Variants in MTRF1 observed in about 807,000 individuals in gnomAD.
MTRF1 encodes peptide chain release factor 1, mitochondrial.
A neutral mutation model predicts 62.9 loss-of-function variants in MTRF1; 51 were observed. The ratio of observed to expected loss-of-function variants is 0.81; its 90% CI spans 0.65 to 1.02. The LOEUF is 1.02. MTRF1 is among the 50% of genes least tolerant of loss of function. The pLI, the probability that MTRF1 is intolerant of heterozygous loss-of-function variation, is 0.00. For synonymous variants in MTRF1, 158 were observed against 181.9 expected (o/e 0.87, Z 1.06); for missense variants, 446 against 530.0 (o/e 0.84, Z 1.56).
At chr13:41,242,782 T>C (rs528026780) in intron 5 of MTRF1, among the ~76,000 whole-genome samples, 2 of 152,182 alleles carry the variant, frequency 1.3e-5, no homozygotes, top group African/African-American at 4.8e-5. Context: ...GCAGCATGCT[T>C]ACTGCGCATT....
rs148160458 is a variant in MTRF1, at chr13:41,252,659, G to A, written c.683C>T (p.Thr228Ile). 4.1e-5 allele frequency: 66 copies of A among 1,611,154 alleles called. No homozygotes were observed. Among genetic ancestry groups the A allele is most frequent in the Non-Finnish European group, 7.6e-6 (9 of 1,177,760 alleles). ...AATATGCCTACCATAATCTGCTGGT[G>A]TATAATTCAGAAGTTCAAATTGCCA... ...KHWQFELLNYTPADYGGLHHA... is the reference protein window; with the variant it reads ...KHWQFELLNYIPADYGGLHHA... Residue 228 changes from threonine (T) to isoleucine (I), a missense_variant, in exon 5 of 10, where the codon ACA becomes ATA. Coordinates refer to ENST00000379480, the MANE Select transcript of MTRF1 (RefSeq NM_004294.4).
chr13:41,274,082 A>G, the MTRF1 span, among the ~76,000 whole-genome samples: 1 of 152,212 alleles, frequency 6.6e-6, no homozygotes, highest in Non-Finnish European at 1.5e-5. Context: ...TGCCCTAAGT[A>G]GTTCCCAGCT....
At chr13:41,297,614 T>C in the MTRF1 span, among the ~76,000 whole-genome samples, 3 of 152,032 alleles carry the variant, frequency 2.0e-5, no homozygotes, top group Non-Finnish European at 4.4e-5. Flanking sequence ...CTTGCTTTTT[T>C]ACCTAGGCTG....
At chr13:41,220,891 T>C (rs117780458) in intron 9 of MTRF1, among the ~76,000 whole-genome samples, 2 of 152,202 alleles carry the variant, frequency 1.3e-5, no homozygotes, top group Non-Finnish European at 2.9e-5. Flanking sequence ...CTAGGACTTA[T>C]TTGGGTGTCC....
chr13:41,293,050 A>G, the MTRF1 span, among the ~76,000 whole-genome samples: 1 of 152,208 alleles, frequency 6.6e-6, no homozygotes, highest in Non-Finnish European at 1.5e-5. Context: ...ACACATTCCA[A>G]TTTAGTCAGA....
At chr13:41,218,281 ATTTTTTT>A (rs199717534) in intron 9 of MTRF1, among the ~76,000 whole-genome samples, 21 of 117,828 alleles carry the variant, frequency 1.8e-4, no homozygotes, top group East Asian at 4.3e-4. Flanking sequence ...CACCCAGCTA[ATTTTTTT>A]TTTTTTTTTT....
At chr13:41,224,703 T>C (rs2034036460) in intron 8 of MTRF1, among the ~76,000 whole-genome samples, 1 of 152,172 alleles carries the variant, frequency 6.6e-6, no homozygotes, top group Non-Finnish European at 1.5e-5. Flanking sequence ...GAACCAGGAT[T>C]GGGAATGTGG....
At chr13:41,282,172 A>G in the MTRF1 span, among the ~76,000 whole-genome samples, 1 of 151,848 alleles carries the variant, frequency 6.6e-6, no homozygotes, top group South Asian at 2.1e-4. Context: ...TCTGACTAAC[A>G]GCTCTGGGAA....
At chr13:41,241,468 G>C (rs1474150559) in intron 5 of MTRF1, among the ~76,000 whole-genome samples, 1 of 152,120 alleles carries the variant, frequency 6.6e-6, no homozygotes, top group Non-Finnish European at 1.5e-5. Context: ...AAAAAGAACG[G>C]TGCTAGTCAC....
intron 5 of MTRF1, chr13:41,252,212 T>C (rs1425625834): frequency 6.6e-6 from 1 of 152,452 alleles, no homozygotes; most frequent in Non-Finnish European, 1.5e-5. Context: ...AAGAGAAGTT[T>C]CTTGAAAATA....
At position 41,217,056 on chromosome 13, in the gene MTRF1, C is replaced by G; in HGVS notation, c.*59G>C. 1.1e-6 allele frequency: 1 copy of G among 904,014 alleles called. No individual in the cohort carries two copies. The highest frequency in any genetic ancestry group is 1.8e-5 in the South Asian group (1 of 54,908). 56.0% of individuals were successfully genotyped at this position (904,014 alleles called of 1,614,324 possible). A position where few individuals can be genotyped will look rare whatever the true frequency, so the allele number is the denominator to read the frequency against. On this transcript the variant is annotated 3_prime_UTR_variant, in exon 10 of 10. Transcript: ENST00000379480. ...TTCATAATGATTTCCAAGCTTCAGT[C>G]TGCCTCTTGATATAGGTCCATTTCA...
chr13:41,267,672 C>A (rs568009867), upstream of MTRF1, among the ~76,000 whole-genome samples: 1 of 152,184 alleles, frequency 6.6e-6, no homozygotes, highest in South Asian at 2.1e-4. Flanking sequence ...AGTTTGAGAC[C>A]AGCCTAGGCA....
chr13:41,279,549 A>G, the MTRF1 span, among the ~76,000 whole-genome samples: 1,026 of 152,198 alleles, frequency 6.7e-3, 15 homozygotes, highest in African/African-American at 0.024. Flanking sequence ...TCTTGCCCAA[A>G]TTATTACCTA....
At chr13:41,239,956 T>A (rs1156954363) in intron 6 of MTRF1, among the ~76,000 whole-genome samples, 1 of 151,762 alleles carries the variant, frequency 6.6e-6, no homozygotes, top group East Asian at 1.9e-4. Flanking sequence ...AGGTCAGGAG[T>A]TCGAGACCAG....
the MTRF1 span, among the ~76,000 whole-genome samples, chr13:41,300,585 C>CAAA: frequency 1.3e-5 from 1 of 75,432 alleles, no homozygotes; most frequent in Non-Finnish European, 2.7e-5. Context: ...GACTCCGTCT[C>CAAA]AAAAAAAAAA....
At chr13:41,293,156 G>A in the MTRF1 span, among the ~76,000 whole-genome samples, 56 of 152,048 alleles carry the variant, frequency 3.7e-4, no homozygotes, top group African/African-American at 1.3e-3. Context: ...AAATCTTTGT[G>A]TGTGTGTGTG....
the MTRF1 span, among the ~76,000 whole-genome samples, chr13:41,297,393 C>T: frequency 1.6e-4 from 24 of 152,108 alleles, no homozygotes; most frequent in African/African-American, 5.8e-4. Context: ...TATCTAAGCC[C>T]CCTGAAGTAA....
the MTRF1 span, among the ~76,000 whole-genome samples, chr13:41,299,734 CT>C: frequency 0.014 from 2,043 of 144,666 alleles, 21 homozygotes; most frequent in Non-Finnish European, 0.015. Context: ...GTTTTAAAGA[CT>C]TTTTTTTTTT....
the MTRF1 span, among the ~76,000 whole-genome samples, chr13:41,287,182 G>A: frequency 6.6e-6 from 1 of 152,170 alleles, no homozygotes; most frequent in Non-Finnish European, 1.5e-5. Flanking sequence ...AGGTTTAATT[G>A]GCTCACGGTT....
Sources: gnomAD v4.1 joint callset for allele counts (sites outside exome capture counted in the v4.1 genomes callset) on GRCh38, gnomAD v4.1.1 for gene constraint, MANE v1.5 for transcripts, NCBI Gene and HGNC (gene_info 2026-07-23, HGNC 2026-07-21) for gene names.